GABRB1: variants seen among roughly 807,000 people sequenced by gnomAD.
GABRB1 encodes gamma-aminobutyric acid receptor subunit beta-1.
GABRB1 carries 17 observed loss-of-function variants against 51.6 expected under a neutral mutation model. The observed-to-expected ratio is 0.33, with a 90% CI of 0.23 to 0.49. GABRB1 has a LOEUF of 0.49. GABRB1 is among the 20% of genes least tolerant of loss of function. The pLI, the probability that GABRB1 is intolerant of heterozygous loss-of-function variation, is 0.99. For missense variants in GABRB1, 410 were observed against 600.6 expected, an observed-to-expected ratio of 0.68 and a Z score of 3.32; for synonymous variants, 247 against 218.9, an observed-to-expected ratio of 1.13 and a Z score of -1.14.
intron 4 of GABRB1, among the ~76,000 whole-genome samples, chr4:47,197,350 A>C (rs1719722471): frequency 6.6e-6 from 1 of 152,164 alleles, no homozygotes; most frequent in African/African-American, 2.4e-5. Context: ...TATGTATTCT[A>C]GTCTCTGATC....
Position 47,194,557 on chromosome 4 carries a change from T to C in GABRB1, c.461+33088T>C, listed in dbSNP as rs116533695. On this transcript the variant is annotated intron_variant, in intron 4 of 8. Transcript: ENST00000295454. ...CTAATAAAACCATGAATGCTCTCTG[T>C]TGTTATGGCAAATACTATTTTTCCC... Among the ~76,000 whole-genome samples the C allele has an allele frequency of 4.3e-3, 655 of 152,344 alleles. 4 individuals are homozygous for C. The highest frequency in any genetic ancestry group is 0.015 in the African/African-American group (626 of 41,584).
intron 3 of GABRB1, among the ~76,000 whole-genome samples, chr4:47,058,459 A>T (rs1726711132): frequency 1.3e-5 from 2 of 152,234 alleles, no homozygotes; most frequent in South Asian, 4.1e-4. Context: ...ACATGCAGAA[A>T]GCCTTGAACA....
chr4:47,241,354 C>A (rs1721512059), intron 4 of GABRB1, among the ~76,000 whole-genome samples: 1 of 152,066 alleles, frequency 6.6e-6, no homozygotes, highest in Admixed American at 6.6e-5. Flanking sequence ...GTATGTTACC[C>A]AATTTAAGTC....
chr4:47,326,987 G>C (rs1725285643), intron 5 of GABRB1, among the ~76,000 whole-genome samples: 1 of 152,114 alleles, frequency 6.6e-6, no homozygotes, highest in Non-Finnish European at 1.5e-5. Flanking sequence ...TCTAGTACCT[G>C]AAAATAAATA....
chr4:47,137,633 C>T (rs1716728461), intron 3 of GABRB1, among the ~76,000 whole-genome samples: 1 of 152,050 alleles, frequency 6.6e-6, no homozygotes, highest in Admixed American at 6.6e-5. Context: ...TAATGAGCAA[C>T]CACAACATTT....
chr4:47,042,409 G>A (rs1366250924), intron 3 of GABRB1, among the ~76,000 whole-genome samples: 6,866 of 51,488 alleles, frequency 0.13, 207 homozygotes, highest in South Asian at 0.27. Flanking sequence ...ATGTGTATGT[G>A]TACAGTATAT....
intron 4 of GABRB1, among the ~76,000 whole-genome samples, chr4:47,182,672 C>T (rs2109771938): frequency 6.6e-6 from 1 of 152,006 alleles, no homozygotes; most frequent in African/African-American, 2.4e-5. Context: ...TCCAAAATCT[C>T]TCTGCTGACA....
chr4:47,010,890 T>C (rs1724561605), intron 1 of GABRB1, among the ~76,000 whole-genome samples: 1 of 152,220 alleles, frequency 6.6e-6, no homozygotes, highest in East Asian at 1.9e-4. Flanking sequence ...TCCTGGAACA[T>C]AGTTAGCACT....
chr4:47,345,300 C>A (rs1726050168), intron 5 of GABRB1, among the ~76,000 whole-genome samples: 1 of 152,078 alleles, frequency 6.6e-6, no homozygotes, highest in Non-Finnish European at 1.5e-5. Context: ...GGGCCCCTAT[C>A]CTCCCTAATG....
At chr4:47,128,450 G>C (rs533646978) in intron 3 of GABRB1, among the ~76,000 whole-genome samples, 1 of 151,832 alleles carries the variant, frequency 6.6e-6, no homozygotes, top group South Asian at 2.1e-4. Context: ...CAAATAAGAG[G>C]ATAAGATACA....
At chr4:47,242,075 C>A (rs1393366739) in intron 4 of GABRB1, among the ~76,000 whole-genome samples, 1 of 151,932 alleles carries the variant, frequency 6.6e-6, no homozygotes, top group Admixed American at 6.6e-5. Flanking sequence ...TGTGATGTTC[C>A]CCACCCTGTG....
At chr4:47,272,196 T>C (rs1279155118) in intron 4 of GABRB1, among the ~76,000 whole-genome samples, 1 of 152,156 alleles carries the variant, frequency 6.6e-6, no homozygotes, top group African/African-American at 2.4e-5. Context: ...TAGATTTTAA[T>C]AAAAAGTGGC....
At chr4:47,403,521 T>C (rs1311442166) in intron 6 of GABRB1, 38 bp from the exon 7 acceptor site, 37 of 1,613,478 alleles carry the variant, frequency 2.3e-5, no homozygotes, top group Non-Finnish European at 3.1e-5. Flanking sequence ...TCCAACCAAA[T>C]AATGGTCTGA....
chr4:47,386,836 G>A (rs990577738), intron 5 of GABRB1, among the ~76,000 whole-genome samples: 1 of 152,188 alleles, frequency 6.6e-6, no homozygotes, highest in Non-Finnish European at 1.5e-5. Flanking sequence ...ATCTATGGAA[G>A]CAGCTTGATG....
intron 3 of GABRB1, among the ~76,000 whole-genome samples, chr4:47,105,765 G>A (rs1714940894): frequency 6.6e-6 from 1 of 152,064 alleles, no homozygotes; most frequent in Non-Finnish European, 1.5e-5. Context: ...ATGCCATTAG[G>A]GAGGCTTTCC....
chr4:47,171,688 G>A lies in GABRB1; in HGVS notation c.461+10219G>A, dbSNP rs142782937. Among the ~76,000 whole-genome samples, 57 of 152,020 alleles carry A rather than the reference G, an allele frequency of 3.7e-4. No individual in the cohort carries two copies. The East Asian group carries it at 9.7e-3, about 26-fold the overall frequency. On this transcript the variant is annotated intron_variant, in intron 4 of 8. Transcript: ENST00000295454. ...ATGTTTAAATATACATCTAAGCAACGCATTTTATTAAAATTAAAAAATTTG... is the reference window on the plus strand; with the variant it reads ...ATGTTTAAATATACATCTAAGCAACACATTTTATTAAAATTAAAAAATTTG...
At chr4:47,173,578 G>C (rs755075672) in intron 4 of GABRB1, among the ~76,000 whole-genome samples, 2 of 152,084 alleles carry the variant, frequency 1.3e-5, no homozygotes, top group African/African-American at 4.8e-5. Flanking sequence ...ATATCTACAA[G>C]TCACTTCCAG....
rs10639386 is a variant in GABRB1 at position 47,269,935 on chromosome 4, T to TACACACACACACACACACACAC, written c.462-50172_462-50151dup. Among the ~76,000 whole-genome samples, 5 of 135,970 alleles carry TACACACACACACACACACACAC rather than the reference T, an allele frequency of 3.7e-5. 1 individual carries two copies. Among genetic ancestry groups the TACACACACACACACACACACAC allele is most frequent in the African/African-American group, 1.4e-4 (5 of 35,794 alleles). The allele number at this position is 135,970 out of a possible 152,430, so 89.2% of individuals were successfully genotyped here. On this transcript the variant is annotated intron_variant, in intron 4 of 8. Coordinates refer to ENST00000295454, the MANE Select transcript of GABRB1 (RefSeq NM_000812.4). The stretch of plus-strand genomic sequence containing the variant: ...CTAAGGTGTCCTTGTCAACTCTCCC[T>TACACACACACACACACACACAC]ACACACACACACACACACACACACA...
At chr4:47,163,536 A>C (rs1186482817) in intron 4 of GABRB1, among the ~76,000 whole-genome samples, 1 of 151,966 alleles carries the variant, frequency 6.6e-6, no homozygotes, top group African/African-American at 2.4e-5. Flanking sequence ...GGGTACTCCA[A>C]GAGTGGGGAG....
Sources: gnomAD v4.1 joint callset for allele counts (sites outside exome capture counted in the v4.1 genomes callset) on GRCh38, gnomAD v4.1.1 for gene constraint, MANE v1.5 for transcripts, NCBI Gene and HGNC (gene_info 2026-07-23, HGNC 2026-07-21) for gene names.